ITPRID1: variants seen among roughly 807,000 people sequenced by gnomAD.
ITPRID1 encodes the protein protein ITPRID1.
Under a neutral mutation model 95.4 loss-of-function variants are expected in ITPRID1, and 96 were observed. The observed-to-expected ratio is 1.01, with a 90% CI of 0.85 to 1.19. ITPRID1 has a LOEUF of 1.19. ITPRID1 is among the 50% of genes most tolerant of loss of function. ITPRID1 has a pLI of 0.00. For missense variants in ITPRID1, 1,339 were observed against 1,252.9 expected (o/e 1.07, Z -1.04); for synonymous variants, 510 against 453.6 (o/e 1.12, Z -1.58).
At chr7:31,553,742 A>C (rs537532489) in intron 3 of ITPRID1, among the ~76,000 whole-genome samples, 14 of 152,304 alleles carry the variant, frequency 9.2e-5, no homozygotes, top group African/African-American at 3.4e-4. Flanking sequence ...TTTATGGTTC[A>C]CCTGACACCT....
intron 12 of ITPRID1, among the ~76,000 whole-genome samples, chr7:31,648,746 T>C (rs567104001): frequency 2.0e-5 from 3 of 152,174 alleles, no homozygotes; most frequent in Non-Finnish European, 4.4e-5. Flanking sequence ...GGTTACCTGA[T>C]GGGAAGCTAC....
chr7:31,568,652 C>G (rs1330648720), intron 5 of ITPRID1, among the ~76,000 whole-genome samples: 1 of 152,136 alleles, frequency 6.6e-6, no homozygotes. Flanking sequence ...TGCAATGGCC[C>G]CTGAATAAGC....
chr7:31,643,294 T>A lies in ITPRID1; in HGVS notation c.1924T>A (p.Cys642Ser). The change falls in exon 12 of 15, where the codon TGT (cysteine) becomes AGT (serine). Residue 642 changes from cysteine (C) to serine (S), a missense_variant. By Grantham distance (112) the Cys-to-Ser change is moderately radical. Transcript: ENST00000615280. Reference sequence around the variant, plus strand: ...ACTCGTACCAGAAAGCTCATCACAGTGTATCCCCAAGCACAGTGAAATCAC... The same window carrying A: ...ACTCGTACCAGAAAGCTCATCACAGAGTATCCCCAAGCACAGTGAAATCAC... The part of the protein sequence containing the change: ...SLLVPESSSQ[C>S]IPKHSEITPY... The A allele has an allele frequency of 6.2e-7, 1 of 1,613,770 alleles. No homozygotes were observed. Among genetic ancestry groups the A allele is most frequent in the Non-Finnish European group, 8.5e-7 (1 of 1,179,866 alleles).
intron 10 of ITPRID1, 99 bp downstream of exon 10, chr7:31,583,290 C>A (rs1785472537): frequency 1.3e-6 from 1 of 777,992 alleles, no homozygotes; most frequent in Non-Finnish European, 2.1e-6. Context: ...TAAATTATCT[C>A]TAGAAGGTAC....
chr7:31,654,444 C>G lies in ITPRID1; in HGVS notation c.*1615C>G, dbSNP rs1040897710. On this transcript the variant is annotated 3_prime_UTR_variant, in exon 15 of 15. Transcript: ENST00000615280. ...TTTTTCCAAGGGTAATGGAAAGCCA[C>G]TGTGGGTTTTAAGCAGGGTCGTCAT... 1.3e-5 allele frequency among the ~76,000 whole-genome samples: 2 copies of G among 152,116 alleles called. No individual in the cohort carries two copies. The highest frequency in any genetic ancestry group is 4.8e-5 in the African/African-American group (2 of 41,422).
chr7:31,535,197 G>T (rs1405215168), intron 1 of ITPRID1, among the ~76,000 whole-genome samples: 1 of 152,048 alleles, frequency 6.6e-6, no homozygotes. Context: ...TATAATATTT[G>T]CCTAACTTAT....
At chr7:31,538,134 G>T (rs1297889238) in intron 1 of ITPRID1, among the ~76,000 whole-genome samples, 2 of 152,080 alleles carry the variant, frequency 1.3e-5, no homozygotes, top group African/African-American at 4.8e-5. Flanking sequence ...AATATTTGAA[G>T]TAAAATTATT....
In ITPRID1 at chr7:31,643,606, A is replaced by G. The variant is rs1790215126; in HGVS notation, c.2236A>G (p.Thr746Ala). Residue 746 changes from threonine (T) to alanine (A), a missense_variant, in exon 12 of 15, where the codon ACA becomes GCA. Physicochemically the swap from Thr to Ala is moderately conservative, Grantham distance 58. Transcript: ENST00000615280. ...CACTGTGTGTGATCCTGTTACCGCA[A>G]CAGAAACAAGACTGGGGACAAAAGC... ...ECTVCDPVTA[T>A]ETRLGTKARQ... is the part of the protein sequence containing the mutation. The G allele has an allele frequency of 1.2e-6, 2 of 1,614,036 alleles. No individual in the cohort carries two copies. Among genetic ancestry groups the G allele is most frequent in the Non-Finnish European group, 1.7e-6 (2 of 1,179,896 alleles).
In ITPRID1 at chr7:31,599,931, C is replaced by G. The variant is rs1786319157; in HGVS notation, c.1228+16740C>G. ...GCCAGGATGGTCTGGATCTCCTGAC[C>G]TCGTGATCCGCCGGCCTCTGCCTCC... On this transcript the variant is annotated intron_variant, in intron 10 of 14. Transcript: ENST00000615280. Among the ~76,000 whole-genome samples the G allele has an allele frequency of 2.0e-5, 3 of 151,960 alleles. No homozygotes were observed. The South Asian group carries it at 6.2e-4, about 32-fold the overall frequency.
At chr7:31,630,221 C>G (rs1201131681) in intron 10 of ITPRID1, among the ~76,000 whole-genome samples, 1 of 11,006 alleles carries the variant, frequency 9.1e-5, no homozygotes, top group African/African-American at 3.6e-4. Flanking sequence ...AAGAGGCAAT[C>G]AAAGAAAATA....
intron 7 of ITPRID1, among the ~76,000 whole-genome samples, 193 bp from the exon 8 acceptor site, chr7:31,574,347 G>A (rs1785099285): frequency 6.6e-6 from 1 of 152,106 alleles, no homozygotes; most frequent in Non-Finnish European, 1.5e-5. Context: ...TAAAGTACAG[G>A]CAAGCAGTCC....
At chr7:31,600,977 G>A (rs892424667) in intron 10 of ITPRID1, among the ~76,000 whole-genome samples, 2 of 152,088 alleles carry the variant, frequency 1.3e-5, no homozygotes, top group Non-Finnish European at 2.9e-5. Context: ...GGGGAGAGCC[G>A]TCTTCTGCCC....
intron 10 of ITPRID1, among the ~76,000 whole-genome samples, chr7:31,639,752 C>T (rs922468469): frequency 1.3e-5 from 2 of 151,552 alleles, no homozygotes; most frequent in Non-Finnish European, 2.9e-5. Flanking sequence ...TAGCCAGGCT[C>T]GTCTTGAACT....
At chr7:31,539,482 G>C (rs1425810184) in intron 1 of ITPRID1, among the ~76,000 whole-genome samples, 1 of 152,146 alleles carries the variant, frequency 6.6e-6, no homozygotes, top group Admixed American at 6.5e-5. Flanking sequence ...ACTTGACAGG[G>C]CATAAATTTT....
At chr7:31,642,506 G>A (rs956996878) in intron 11 of ITPRID1, among the ~76,000 whole-genome samples, 176 bp from the exon 12 acceptor site, 1 of 152,194 alleles carries the variant, frequency 6.6e-6, no homozygotes, top group Non-Finnish European at 1.5e-5. Context: ...TCTAAGCAAG[G>A]AGGCTGAGCC....
chr7:31,555,116 C>T (rs1385677123), intron 5 of ITPRID1: 6 of 506,332 alleles, frequency 1.2e-5, no homozygotes, highest in Non-Finnish European at 1.8e-5. Context: ...GAACCCAGGG[C>T]TCTTGCCATA....
rs371959143 is a variant in ITPRID1 at position 31,553,092 on chromosome 7, T to G, written c.68T>G (p.Ile23Ser). 391 of 1,606,384 alleles carry G rather than the reference T, an allele frequency of 2.4e-4. No individual in the cohort carries two copies. Among genetic ancestry groups the G allele is most frequent in the Non-Finnish European group, 3.3e-4 (385 of 1,176,310 alleles). ...GGCCAGGAAAAGAGCAAGAGAGAGATCCTGAAGTGCACCAAAAGCGCGTGG... is the reference window on the plus strand; with the variant it reads ...GGCCAGGAAAAGAGCAAGAGAGAGAGCCTGAAGTGCACCAAAAGCGCGTGG... Reference protein sequence around the residue: ...QEGQEKSKREILKCTKSAWAP... With the variant: ...QEGQEKSKRESLKCTKSAWAP... The change falls in exon 3 of 15, where the codon ATC becomes AGC. Residue 23 changes from isoleucine to serine, a missense_variant. Physicochemically the swap from Ile to Ser is moderately radical, Grantham distance 142. Coordinates refer to ENST00000615280, the MANE Select transcript of ITPRID1 (RefSeq NM_001257967.3).
intron 10 of ITPRID1, among the ~76,000 whole-genome samples, chr7:31,598,882 T>A (rs537074130): frequency 1.2e-4 from 19 of 152,304 alleles, no homozygotes; most frequent in African/African-American, 4.6e-4. Flanking sequence ...TAGACCCAAA[T>A]GATTGGCAAA....
intron 3 of ITPRID1, among the ~76,000 whole-genome samples, chr7:31,553,995 C>T (rs920595815): frequency 1.3e-5 from 2 of 152,126 alleles, no homozygotes; most frequent in Non-Finnish European, 2.9e-5. Flanking sequence ...GCAATTTGTC[C>T]CTGGAATGAA....
Sources: allele counts gnomAD v4.1 joint callset (sites outside exome capture counted in the v4.1 genomes callset), GRCh38; gene constraint gnomAD v4.1.1; transcripts MANE v1.5; gene names NCBI Gene and HGNC (gene_info 2026-07-23, HGNC 2026-07-21).